CEP126: variants seen among roughly 807,000 people sequenced by gnomAD.
CEP126 encodes the protein centrosomal protein of 126 kDa.
In CEP126, 74 loss-of-function variants were observed where a neutral mutation model predicts 107.8. That is an observed-to-expected ratio of 0.69 (90% confidence interval 0.57 to 0.83). The LOEUF is 0.83. Ranked by LOEUF, CEP126 falls within the 40% of genes least tolerant of loss-of-function variation. The pLI is 0.00. For synonymous variants in CEP126, 449 were observed against 446.0 expected (o/e 1.01, Z -0.08); for missense variants, 1,237 against 1,281.9 (o/e 0.96, Z 0.53).
intron 6 of CEP126, among the ~76,000 whole-genome samples, chr11:101,977,211 A>C (rs1941201216): frequency 1.3e-5 from 2 of 152,142 alleles, no homozygotes; most frequent in Admixed American, 1.3e-4. Flanking sequence ...CATTGTCATT[A>C]TGTGGCAAAG....
rs1264775181 is a variant in CEP126, at chr11:101,987,071, A to C, written c.3244+30A>C. On this transcript the variant is annotated intron_variant, in intron 9 of 10. Transcript: ENST00000263468. ...GTATGGAAGAACACCTTTTATAAGA[A>C]ATACTGCATTTATACTTAGACAATT... The C allele has an allele frequency of 2.2e-6, 3 of 1,386,248 alleles. No homozygotes were observed. The South Asian group carries it at 3.6e-5, about 17-fold the overall frequency. The allele number at this position is 1,386,248 out of a possible 1,614,324, so 85.9% of individuals were successfully genotyped here. A position where few individuals can be genotyped will look rare whatever the true frequency, so the allele number is the denominator to read the frequency against.
intron 2 of CEP126, among the ~76,000 whole-genome samples, chr11:101,943,364 G>T (rs979822953): frequency 1.3e-5 from 2 of 151,936 alleles, no homozygotes; most frequent in Non-Finnish European, 2.9e-5. Context: ...GCCAGGAGAG[G>T]TCTTTAGAAA....
Position 101,944,399 on chromosome 11 carries a change from G to A in CEP126, c.383G>A (p.Arg128Gln), listed in dbSNP as rs756490220. The A allele has an allele frequency of 1.1e-5, 17 of 1,608,856 alleles. No homozygotes were observed. The highest frequency in any genetic ancestry group is 6.7e-5 in the East Asian group (3 of 44,662). ...CGTGCCCATGTTCCTCTTTCACAGCGGAGGAAAGCAGGTGCCTTAATTTCT... is the reference window on the plus strand; with the variant it reads ...CGTGCCCATGTTCCTCTTTCACAGCAGAGGAAAGCAGGTGCCTTAATTTCT... ...FQRAHVPLSQ[R>Q]RKAVSRKPVP... Residue 128 changes from arginine to glutamine, a missense_variant, in exon 3 of 11, where the codon CGG (arginine) becomes CAG (glutamine). This residue lies in a region of CEP126 where 1,134 missense variants were observed against 1,150.5 expected (regional missense o/e 0.99). Coordinates refer to ENST00000263468, the MANE Select transcript of CEP126 (RefSeq NM_020802.4).
chr11:101,933,235 A>C (rs779291037), intron 2 of CEP126, among the ~76,000 whole-genome samples: 5 of 152,210 alleles, frequency 3.3e-5, no homozygotes, highest in Non-Finnish European at 7.4e-5. Flanking sequence ...TCTGACAAGC[A>C]ATGCAGAAAA....
chr11:101,916,793 T>G (rs1013134346), intron 1 of CEP126, among the ~76,000 whole-genome samples: 1 of 152,184 alleles, frequency 6.6e-6, no homozygotes, highest in Admixed American at 6.5e-5. Context: ...TTTTTTAAAT[T>G]TTATGTGGTA....
chr11:101,917,218 T>A (rs79507435), intron 1 of CEP126, among the ~76,000 whole-genome samples: 3,318 of 152,222 alleles, frequency 0.022, 70 homozygotes, highest in African/African-American at 0.054. Context: ...GTTTGCTAGC[T>A]GGAAAAACAC....
At chr11:101,986,407 C>T (rs1166378799) in intron 8 of CEP126, among the ~76,000 whole-genome samples, 1 of 152,140 alleles carries the variant, frequency 6.6e-6, no homozygotes, top group Non-Finnish European at 1.5e-5. Flanking sequence ...GCTGTCAGTT[C>T]TGTTTAGCTG....
chr11:101,992,849 A>T lies in CEP126; in HGVS notation c.3309+7A>T. On this transcript the variant is annotated splice_region_variant and intron_variant, in intron 10 of 10. Transcript: ENST00000263468. ...ACAAATAATACCACTTCTGGTAAGT[A>T]TTTGAAGAAGCTCTTTTTTTCTTGT... is the stretch of plus-strand genomic sequence containing the variant. The T allele has an allele frequency of 6.6e-7, 1 of 1,520,860 alleles. No homozygotes were observed. The highest frequency in any genetic ancestry group is 8.8e-7 in the Non-Finnish European group (1 of 1,141,072). 94.2% of individuals were successfully genotyped at this position (1,520,860 alleles called of 1,614,324 possible).
Position 101,963,122 on chromosome 11 carries a change from A to G in CEP126, c.2087A>G (p.Glu696Gly), listed in dbSNP as rs1479420398. 3 of 1,614,136 alleles carry G rather than the reference A, an allele frequency of 1.9e-6. No individual in the cohort carries two copies. The highest frequency in any genetic ancestry group is 2.7e-5 in the African/African-American group (2 of 75,054). Residue 696 changes from glutamate (E) to glycine (G), a missense_variant, in exon 6 of 11, where the codon GAA (glutamate) becomes GGA (glycine). By Grantham distance (98) the Glu-to-Gly change is moderately conservative. Coordinates refer to ENST00000263468, the MANE Select transcript of CEP126 (RefSeq NM_020802.4). ...TKKSREDSISENVTTLGGSGA... is the reference protein window; with the variant it reads ...TKKSREDSISGNVTTLGGSGA... ...AAGTCCAGGGAGGATTCTATCTCTG[A>G]AAATGTTACGACTTTAGGAGGATCT... is the stretch of plus-strand genomic sequence containing the variant.
In CEP126 at chr11:101,962,481, A is replaced by T; in HGVS notation, c.1446A>T (p.Ile482=). The T allele has an allele frequency of 6.2e-7, 1 of 1,613,128 alleles. No homozygotes were observed. The highest frequency in any genetic ancestry group is 1.7e-5 in the Admixed American group (1 of 59,838). The change falls in exon 6 of 11, where the codon ATA becomes ATT. Residue 482 remains isoleucine, a synonymous_variant. Coordinates refer to ENST00000263468, the MANE Select transcript of CEP126 (RefSeq NM_020802.4). The stretch of plus-strand genomic sequence containing the variant: ...CTTCAGCAAAGAACAGTATACACAT[A>T]AAAGAAATTGATGCAGTGCAGTGTT... ...ARPSAKNSIH[I]KEIDAVQCSD...
chr11:101,924,256 A>G (rs1417218001), intron 2 of CEP126, among the ~76,000 whole-genome samples: 5 of 152,132 alleles, frequency 3.3e-5, no homozygotes, highest in African/African-American at 9.7e-5. Flanking sequence ...TTGTCTCTGT[A>G]TTTCACCTTT....
intron 1 of CEP126, among the ~76,000 whole-genome samples, chr11:101,921,983 C>G (rs1224544322): frequency 6.6e-6 from 1 of 151,048 alleles, no homozygotes; most frequent in South Asian, 2.1e-4. Flanking sequence ...ACAGGTTTCA[C>G]CGTGTTGGCC....
intron 6 of CEP126, among the ~76,000 whole-genome samples, chr11:101,964,444 G>T (rs546375763): frequency 6.6e-6 from 1 of 151,576 alleles, no homozygotes; most frequent in East Asian, 1.9e-4. Context: ...GACCAGCCTG[G>T]CCAACGTGAC....
chr11:101,918,323 T>A (rs1307813893), intron 1 of CEP126, among the ~76,000 whole-genome samples: 6 of 152,110 alleles, frequency 3.9e-5, no homozygotes, highest in Non-Finnish European at 7.4e-5. Context: ...TGGTGCATGC[T>A]TGTAGTACCA....
chr11:101,993,832 T>G (rs1221542726), intron 10 of CEP126, among the ~76,000 whole-genome samples: 1 of 152,262 alleles, frequency 6.6e-6, no homozygotes, highest in East Asian at 1.9e-4. Context: ...TTCATATGCT[T>G]CTTGGTCACA....
intron 6 of CEP126, 87 bp downstream of exon 6, chr11:101,963,967 A>G: frequency 1.3e-6 from 1 of 790,578 alleles, no homozygotes. Flanking sequence ...GTATGGCCAT[A>G]CATACTACAT....
chr11:101,925,393 G>A (rs1940391320), intron 2 of CEP126, among the ~76,000 whole-genome samples: 2 of 152,120 alleles, frequency 1.3e-5, no homozygotes, highest in South Asian at 2.1e-4. Flanking sequence ...GGAGAATTCA[G>A]TGAGCACAAA....
intron 4 of CEP126, 93 bp downstream of exon 4, chr11:101,948,235 C>A: frequency 1.6e-6 from 1 of 634,008 alleles, no homozygotes; most frequent in Non-Finnish European, 2.7e-6. Context: ...AGCTACTCCT[C>A]ATCTGTGTTT....
intron 2 of CEP126, among the ~76,000 whole-genome samples, chr11:101,936,526 G>A (rs2137089687): frequency 6.6e-6 from 1 of 152,170 alleles, no homozygotes; most frequent in East Asian, 1.9e-4. Flanking sequence ...AGAATTTAAT[G>A]TCTATCTTTC....
Sources: gnomAD v4.1 joint callset for allele counts (sites outside exome capture counted in the v4.1 genomes callset) on GRCh38, gnomAD v4.1.1 for gene constraint, gnomAD v4.1.1 regional missense constraint, MANE v1.5 for transcripts, NCBI Gene and HGNC (gene_info 2026-07-23, HGNC 2026-07-21) for gene names.